The following PTPRG variants were observed in gnomAD, a reference collection of about 807,000 sequenced individuals.
The protein encoded by PTPRG is receptor-type tyrosine-protein phosphatase gamma.
A neutral mutation model predicts 165.3 loss-of-function variants in PTPRG; 102 were observed. The ratio of observed to expected loss-of-function variants is 0.62; its 90% CI spans 0.53 to 0.73. The LOEUF (loss-of-function observed/expected upper bound fraction) is 0.73, where lower values mean the gene tolerates loss of function less well. Among genes scored for constraint, PTPRG ranks in the 30% least tolerant of loss-of-function variants. The pLI is 0.00. For synonymous variants in PTPRG, 675 were observed against 669.5 expected, an observed-to-expected ratio of 1.01 and a Z score of -0.13; for missense variants, 1,866 against 1,861.4, an observed-to-expected ratio of 1.00 and a Z score of -0.05.
At chr3:61,914,041 A>C (rs996820911) in intron 2 of PTPRG, among the ~76,000 whole-genome samples, 3 of 152,236 alleles carry the variant, frequency 2.0e-5, no homozygotes, top group African/African-American at 7.2e-5. Context: ...TATACTTCAC[A>C]GTGGGATCAC....
chr3:62,186,567 C>CCTTTTTTTTT (rs1705895088), intron 8 of PTPRG, among the ~76,000 whole-genome samples: 2 of 117,542 alleles, frequency 1.7e-5, no homozygotes, highest in African/African-American at 7.0e-5. Flanking sequence ...TTTTCTTTTC[C>CCTTTTTTTTT]TTTTTTTTTT....
intron 5 of PTPRG, among the ~76,000 whole-genome samples, chr3:62,107,397 G>A (rs1007070353): frequency 3.3e-5 from 5 of 152,204 alleles, no homozygotes; most frequent in African/African-American, 1.2e-4. Context: ...CATGATAGAT[G>A]CACATGAAAT....
At chr3:62,035,794 A>G (rs896031862) in intron 4 of PTPRG, among the ~76,000 whole-genome samples, 31 of 152,336 alleles carry the variant, frequency 2.0e-4, no homozygotes, top group African/African-American at 6.3e-4. Context: ...AGTGCATCCA[A>G]TGCACAATTT....
intron 2 of PTPRG, among the ~76,000 whole-genome samples, chr3:61,773,437 C>T (rs1199842033): frequency 6.6e-6 from 1 of 152,090 alleles, no homozygotes; most frequent in Non-Finnish European, 1.5e-5. Context: ...GTGGTGAAAA[C>T]TTTCAGGGAT....
chr3:61,920,584 C>A (rs939990035), intron 2 of PTPRG, among the ~76,000 whole-genome samples: 1 of 151,984 alleles, frequency 6.6e-6, no homozygotes, highest in Non-Finnish European at 1.5e-5. Flanking sequence ...TTAGTTTAGA[C>A]GGGGTTTCAC....
chr3:61,921,751 A>G lies in PTPRG; in HGVS notation c.191-67874A>G, dbSNP rs577460194. Among the ~76,000 whole-genome samples the G allele has an allele frequency of 5.3e-5, 8 of 152,314 alleles. No individual in the cohort carries two copies. The East Asian group carries it at 1.5e-3, about 29-fold the overall frequency. On this transcript the variant is annotated intron_variant, in intron 2 of 29. Coordinates refer to ENST00000474889, the MANE Select transcript of PTPRG (RefSeq NM_002841.4). The stretch of plus-strand genomic sequence containing the variant: ...AATATTCCAAAATTTGAAAAAATCC[A>G]AAATCTGAAATTTTGGATTTTTTGG...
At chr3:61,740,540 A>T (rs1342222914) in intron 1 of PTPRG, among the ~76,000 whole-genome samples, 1 of 151,418 alleles carries the variant, frequency 6.6e-6, no homozygotes, top group Middle Eastern at 3.4e-3. Context: ...GCCCTTATTT[A>T]TTTTTTTTTA....
At chr3:62,018,243 A>G (rs1385353354) in intron 4 of PTPRG, among the ~76,000 whole-genome samples, 1 of 152,248 alleles carries the variant, frequency 6.6e-6, no homozygotes, top group Admixed American at 6.5e-5. Context: ...TACATGTTCC[A>G]AAGCCAAATT....
At chr3:62,141,514 C>T (rs867936465) in intron 6 of PTPRG, among the ~76,000 whole-genome samples, 1 of 152,068 alleles carries the variant, frequency 6.6e-6, no homozygotes, top group Non-Finnish European at 1.5e-5. Context: ...GTGGGAGGAT[C>T]GCTTGAGCCC....
At chr3:61,589,315 T>A (rs1700509689) in intron 1 of PTPRG, among the ~76,000 whole-genome samples, 1 of 152,178 alleles carries the variant, frequency 6.6e-6, no homozygotes, top group Non-Finnish European at 1.5e-5. Context: ...CAACTCTTAC[T>A]CTAATACCAT....
At chr3:61,885,454 G>T (rs552041451) in intron 2 of PTPRG, among the ~76,000 whole-genome samples, 1 of 150,622 alleles carries the variant, frequency 6.6e-6, no homozygotes, top group Admixed American at 6.6e-5. Context: ...ATTAATTCAC[G>T]TGAGGACTCG....
chr3:61,928,190 G>A (rs2107577452), intron 2 of PTPRG, among the ~76,000 whole-genome samples: 2 of 152,292 alleles, frequency 1.3e-5, no homozygotes, highest in South Asian at 4.1e-4. Flanking sequence ...TGGCCTTCAA[G>A]CTCCCTCTGG....
intron 6 of PTPRG, among the ~76,000 whole-genome samples, chr3:62,147,261 G>T (rs1034854248): frequency 6.6e-6 from 1 of 152,178 alleles, no homozygotes; most frequent in African/African-American, 2.4e-5. Flanking sequence ...GAGTCTTGGG[G>T]TGCAGGTCAG....
At chr3:62,077,289 A>C (rs973952793) in intron 4 of PTPRG, among the ~76,000 whole-genome samples, 7 of 151,656 alleles carry the variant, frequency 4.6e-5, no homozygotes, top group Non-Finnish European at 2.9e-5. Flanking sequence ...AAAAAAAAAA[A>C]AACAAACCAT....
At chr3:62,073,192 C>G (rs898323149) in intron 4 of PTPRG, among the ~76,000 whole-genome samples, 1 of 152,086 alleles carries the variant, frequency 6.6e-6, no homozygotes, top group African/African-American at 2.4e-5. Context: ...GCAGGGAAAG[C>G]AATTCCTTAC....
chr3:62,151,590 C>T (rs923656830), intron 6 of PTPRG, among the ~76,000 whole-genome samples: 2 of 150,306 alleles, frequency 1.3e-5, no homozygotes, highest in Non-Finnish European at 3.0e-5. Context: ...AGGTGGAATA[C>T]GAGATGCATT....
chr3:61,680,517 AACAC>A lies in PTPRG; in HGVS notation c.86-68359_86-68356del, dbSNP rs1248104408. ...CAGCTTTATGAAAAAAAAAAAAAAA[AACAC>A]AAAAAAACAGCATGGGAGCCTGGCA... On this transcript the variant is annotated intron_variant, in intron 1 of 29. Coordinates refer to ENST00000474889, the MANE Select transcript of PTPRG (RefSeq NM_002841.4). Among the ~76,000 whole-genome samples, 706 of 138,912 alleles carry A rather than the reference AACAC, an allele frequency of 5.1e-3. 30 individuals are homozygous for A. The highest frequency in any genetic ancestry group is 7.4e-3 in the Non-Finnish European group (468 of 63,536). 91.1% of individuals were successfully genotyped at this position (138,912 alleles called of 152,430 possible).
intron 2 of PTPRG, among the ~76,000 whole-genome samples, chr3:61,916,320 G>A (rs1461147191): frequency 6.6e-6 from 1 of 152,170 alleles, no homozygotes; most frequent in Non-Finnish European, 1.5e-5. Context: ...TTCAGACATA[G>A]GGTGGTGTTG....
rs1471174952 is a variant in PTPRG at position 62,271,383 on chromosome 3, G to A, written c.3010G>A (p.Gly1004Ser). 1 of 1,595,260 alleles carries A rather than the reference G, an allele frequency of 6.3e-7. No individual in the cohort carries two copies. The highest frequency in any genetic ancestry group is 8.5e-7 in the Non-Finnish European group (1 of 1,172,068). ...ACATCTTTTTTCACTTTTCTCACAG[G>A]GTCAGAAGGGAAATCCCAAGGGTCG... is the stretch of plus-strand genomic sequence containing the variant. ...FSIRNTKVKK[G>S]QKGNPKGRQN... The change falls in exon 21 of 30, where the codon GGT (glycine) becomes AGT (serine). Residue 1004 changes from glycine (G) to serine (S), a missense_variant and splice_region_variant. Transcript: ENST00000474889. This position sits in a 1 kb window ranked among gnomAD's most constrained non-coding sequence, Gnocchi z 4.1.
Sources: allele counts gnomAD v4.1 joint callset (sites outside exome capture counted in the v4.1 genomes callset), GRCh38; gene constraint gnomAD v4.1.1; non-coding constraint Gnocchi (gnomAD v3.1); transcripts MANE v1.5; gene names NCBI Gene and HGNC (gene_info 2026-07-23, HGNC 2026-07-21).